The following ZMIZ1 variants were observed in gnomAD, a reference collection of about 807,000 sequenced individuals.
ZMIZ1 encodes the protein zinc finger MIZ-type containing 1, also known as zinc finger MIZ domain-containing protein 1.
In ZMIZ1, 17 loss-of-function variants were observed where a neutral mutation model predicts 113.9. The ratio of observed to expected loss-of-function variants is 0.15; its 90% CI spans 0.10 to 0.22. The LOEUF is 0.22. Among genes scored for constraint, ZMIZ1 ranks in the 10% least tolerant of loss-of-function variants. The pLI is 1.00. For synonymous variants in ZMIZ1, 607 were observed against 603.1 expected (o/e 1.01, Z -0.09); for missense variants, 1,059 against 1,477.8 (o/e 0.72, Z 4.65).
intron 1 of ZMIZ1, among the ~76,000 whole-genome samples, chr10:79,115,628 C>T (rs1843985921): frequency 6.6e-6 from 1 of 152,236 alleles, no homozygotes. Context: ...TTGTGTCAGC[C>T]ATAGCTCTTA....
chr10:79,169,194 C>T (rs988647397), intron 4 of ZMIZ1, among the ~76,000 whole-genome samples: 3 of 152,206 alleles, frequency 2.0e-5, no homozygotes, highest in African/African-American at 7.2e-5. Context: ...CTCGCCCTTG[C>T]CAATAGCCCC....
At chr10:79,173,582 C>CA (rs1846695331) in intron 4 of ZMIZ1, among the ~76,000 whole-genome samples, 1 of 152,150 alleles carries the variant, frequency 6.6e-6, no homozygotes, top group Admixed American at 6.5e-5. Context: ...GATCAACAGA[C>CA]AGAGAGCAAG....
intron 4 of ZMIZ1, among the ~76,000 whole-genome samples, chr10:79,186,261 A>C (rs1417325435): frequency 6.6e-6 from 1 of 152,166 alleles, no homozygotes; most frequent in Non-Finnish European, 1.5e-5. Flanking sequence ...GGGTGATCTA[A>C]GCAGTTAATT....
chr10:79,077,754 GC>G (rs1842524129), intron 1 of ZMIZ1, among the ~76,000 whole-genome samples: 1 of 152,214 alleles, frequency 6.6e-6, no homozygotes, highest in Non-Finnish European at 1.5e-5. Flanking sequence ...TGTAAAACAG[GC>G]TTACTAGTGG....
chr10:79,243,035 C>G (rs1289564923), intron 7 of ZMIZ1, among the ~76,000 whole-genome samples: 3 of 151,342 alleles, frequency 2.0e-5, no homozygotes, highest in Admixed American at 6.6e-5. Flanking sequence ...GGGGAGGGCG[C>G]GCGCGAGCCG....
At chr10:79,175,356 G>A (rs958479409) in intron 4 of ZMIZ1, among the ~76,000 whole-genome samples, 4 of 152,110 alleles carry the variant, frequency 2.6e-5, no homozygotes, top group African/African-American at 7.2e-5. Context: ...CTGTGTGTGG[G>A]CCTCCTCTCG....
chr10:79,077,765 G>A (rs1419189140), intron 1 of ZMIZ1, among the ~76,000 whole-genome samples: 1 of 152,182 alleles, frequency 6.6e-6, no homozygotes, highest in East Asian at 1.9e-4. Flanking sequence ...CTTACTAGTG[G>A]TGTAGTAATA....
At position 79,123,396 on chromosome 10, in the gene ZMIZ1, G is replaced by A. The variant is rs560656911; in HGVS notation, c.-227+4372G>A. On this transcript the variant is annotated intron_variant, in intron 2 of 24. Coordinates refer to ENST00000334512, the MANE Select transcript of ZMIZ1 (RefSeq NM_020338.4). ...GGGAGAATATCCCTCTAGTTGGGAGGGATTCAACGAAGTAAGCCATGGGCA... is the reference window on the plus strand; with the variant it reads ...GGGAGAATATCCCTCTAGTTGGGAGAGATTCAACGAAGTAAGCCATGGGCA... Among the ~76,000 whole-genome samples, 6 of 152,266 alleles carry A rather than the reference G, an allele frequency of 3.9e-5. No homozygotes were observed. The East Asian group carries it at 1.2e-3, about 29-fold the overall frequency.
At chr10:79,239,485 A>C (rs899614577) in intron 7 of ZMIZ1, among the ~76,000 whole-genome samples, 1 of 152,158 alleles carries the variant, frequency 6.6e-6, no homozygotes, top group Admixed American at 6.5e-5. Context: ...CTACGCCCGC[A>C]TGGGTGACAT....
At chr10:79,270,584 T>G (rs1385832836) in intron 7 of ZMIZ1, among the ~76,000 whole-genome samples, 3 of 152,192 alleles carry the variant, frequency 2.0e-5, no homozygotes, top group Admixed American at 2.0e-4. Flanking sequence ...TGCTTGTCAG[T>G]GATCTTGGTT....
At chr10:79,188,229 G>A (rs1310905614) in intron 4 of ZMIZ1, among the ~76,000 whole-genome samples, 1 of 152,224 alleles carries the variant, frequency 6.6e-6, no homozygotes, top group African/African-American at 2.4e-5. Context: ...CCTGCCTGCT[G>A]CCTGGGCCAC....
intron 7 of ZMIZ1, among the ~76,000 whole-genome samples, chr10:79,262,051 G>A (rs1179013612): frequency 6.6e-6 from 1 of 152,230 alleles, no homozygotes; most frequent in Admixed American, 6.5e-5. Flanking sequence ...GCGAACGTTT[G>A]CCAAGCACAT....
At chr10:79,279,601 G>T (rs1274395136) in intron 8 of ZMIZ1, among the ~76,000 whole-genome samples, 1 of 152,220 alleles carries the variant, frequency 6.6e-6, no homozygotes, top group Non-Finnish European at 1.5e-5. Flanking sequence ...ACTTTGGGAG[G>T]CCAAGGCAGG....
chr10:79,141,119 C>A (rs1166179301), intron 3 of ZMIZ1, among the ~76,000 whole-genome samples: 1 of 152,138 alleles, frequency 6.6e-6, no homozygotes, highest in Non-Finnish European at 1.5e-5. Flanking sequence ...TGTGTGGTGA[C>A]CATGACGACA....
chr10:79,293,850 G>T (rs527654982), intron 12 of ZMIZ1, 197 bp downstream of exon 12: 1 of 804,742 alleles, frequency 1.2e-6, no homozygotes, highest in African/African-American at 1.7e-5. Context: ...CCTCGAGCCA[G>T]TCACCCTGCC....
chr10:79,281,421 C>T (rs1314956444), intron 8 of ZMIZ1, among the ~76,000 whole-genome samples: 1 of 152,126 alleles, frequency 6.6e-6, no homozygotes, highest in East Asian at 1.9e-4. Flanking sequence ...TGAAGGACTT[C>T]GGCTGGGAGG....
rs913706067 is a variant in ZMIZ1, at chr10:79,300,853, A to C, written c.1930A>C (p.Asn644His). 6.2e-7 allele frequency: 1 copy of C among 1,613,506 alleles called. No homozygotes were observed. The highest frequency in any genetic ancestry group is 8.5e-7 in the Non-Finnish European group (1 of 1,179,988). The part of the protein sequence containing the change: ...ATPLTIERGD[N>H]KTSHKPLHLK... ...GCCCCTCACCATTGAGCGCGGCGAC[A>C]ACAAGACCTCCCACAAGCCCCTGCA... is the stretch of plus-strand genomic sequence containing the variant. Residue 644 changes from asparagine (N) to histidine (H), a missense_variant, in exon 17 of 25, where the codon AAC becomes CAC. This residue lies in a region of ZMIZ1 where 217 missense variants were observed against 426.9 expected (regional missense o/e 0.51). Coordinates refer to ENST00000334512, the MANE Select transcript of ZMIZ1 (RefSeq NM_020338.4).
At chr10:79,083,768 G>A (rs1334336755) in intron 1 of ZMIZ1, among the ~76,000 whole-genome samples, 2 of 152,218 alleles carry the variant, frequency 1.3e-5, no homozygotes, top group African/African-American at 2.4e-5. Context: ...GCTGTGGCCA[G>A]GAGCCCACTG....
chr10:79,075,245 T>C (rs914780385), intron 1 of ZMIZ1, among the ~76,000 whole-genome samples: 4 of 152,122 alleles, frequency 2.6e-5, no homozygotes, highest in Admixed American at 6.5e-5. Context: ...CATAGCCCTT[T>C]GAGATCACCC....
Sources: gnomAD v4.1 joint callset for allele counts (sites outside exome capture counted in the v4.1 genomes callset) on GRCh38, gnomAD v4.1.1 for gene constraint, gnomAD v4.1.1 regional missense constraint, MANE v1.5 for transcripts, NCBI Gene and HGNC (gene_info 2026-07-23, HGNC 2026-07-21) for gene names.